The following ABTB3 variants were observed in gnomAD, a reference collection of about 807,000 sequenced individuals.
ABTB3 encodes the protein ankyrin repeat- and BTB/POZ domain-containing protein 3.
At chr12:107,561,413 G>T in the ABTB3 span, among the ~76,000 whole-genome samples, 1 of 152,152 alleles carries the variant, frequency 6.6e-6, no homozygotes, top group African/African-American at 2.4e-5. Flanking sequence ...TGCCTTGCAT[G>T]AGAGTTATCT....
At chr12:107,508,512 T>C in the ABTB3 span, among the ~76,000 whole-genome samples, 1 of 135,684 alleles carries the variant, frequency 7.4e-6, no homozygotes, top group South Asian at 2.5e-4. Flanking sequence ...AGTGGTGCAG[T>C]GGCATGATCT....
chr12:107,366,312 G>A, the ABTB3 span, among the ~76,000 whole-genome samples: 8 of 152,114 alleles, frequency 5.3e-5, no homozygotes, highest in East Asian at 1.9e-4. Context: ...AGAAAGCATC[G>A]TACATAAGGT....
At chr12:107,552,642 A>G in the ABTB3 span, among the ~76,000 whole-genome samples, 2 of 152,230 alleles carry the variant, frequency 1.3e-5, no homozygotes, top group African/African-American at 4.8e-5. Context: ...CACTTCTTTC[A>G]TGCCAAAGTT....
the ABTB3 span, among the ~76,000 whole-genome samples, chr12:107,572,512 G>A: frequency 6.6e-6 from 1 of 152,162 alleles, no homozygotes; most frequent in African/African-American, 2.4e-5. Flanking sequence ...GTGATCTGGA[G>A]ACTCCCTGAA....
At chr12:107,492,752 CAAA>C in the ABTB3 span, among the ~76,000 whole-genome samples, 1 of 151,970 alleles carries the variant, frequency 6.6e-6, no homozygotes, top group East Asian at 1.9e-4. Flanking sequence ...CCAGAAAAAA[CAAA>C]AAAACAGTGT....
At chr12:107,609,191 C>T in the ABTB3 span, among the ~76,000 whole-genome samples, 1 of 152,146 alleles carries the variant, frequency 6.6e-6, no homozygotes, top group Admixed American at 6.5e-5. Context: ...GTGTCCTCTC[C>T]CTTTCCAGGC....
chr12:107,318,535 TGCG>T, the ABTB3 span: 5 of 159,758 alleles, frequency 3.1e-5, no homozygotes, highest in East Asian at 1.8e-4. Flanking sequence ...CCCGCGGAGC[TGCG>T]GCGGCGGCGG....
chr12:107,596,918 T>C, the ABTB3 span, among the ~76,000 whole-genome samples: 2 of 152,244 alleles, frequency 1.3e-5, no homozygotes, highest in African/African-American at 4.8e-5. Flanking sequence ...AATCTTGCTC[T>C]TGTCCCATCT....
the ABTB3 span, among the ~76,000 whole-genome samples, chr12:107,419,438 C>T: frequency 6.6e-5 from 10 of 152,300 alleles, no homozygotes; most frequent in East Asian, 1.7e-3. Flanking sequence ...TGATTCCTGC[C>T]TCTGGATGTT....
the ABTB3 span, among the ~76,000 whole-genome samples, chr12:107,551,274 G>A: frequency 6.6e-6 from 1 of 152,142 alleles, no homozygotes; most frequent in Non-Finnish European, 1.5e-5. Context: ...GCGAGAAGAT[G>A]AGATATTAGA....
the ABTB3 span, among the ~76,000 whole-genome samples, chr12:107,445,137 A>G: frequency 3.3e-5 from 5 of 152,220 alleles, no homozygotes; most frequent in Non-Finnish European, 7.3e-5. Context: ...CTCTATGCAG[A>G]TCTTTCAGTG....
the ABTB3 span, among the ~76,000 whole-genome samples, chr12:107,513,661 ATCCCTGTCCC>A: frequency 5.9e-5 from 9 of 152,156 alleles, no homozygotes; most frequent in African/African-American, 1.2e-4. Flanking sequence ...CTAATATAGC[ATCCCTGTCCC>A]CTGCGTTCAA....
At chr12:107,449,562 A>G in the ABTB3 span, among the ~76,000 whole-genome samples, 1 of 152,200 alleles carries the variant, frequency 6.6e-6, no homozygotes, top group African/African-American at 2.4e-5. Context: ...GCAAAATAGC[A>G]TCAACAGTTA....
At chr12:107,608,904 AAAT>A in the ABTB3 span, among the ~76,000 whole-genome samples, 189 of 91,068 alleles carry the variant, frequency 2.1e-3, 4 homozygotes, top group African/African-American at 0.01. Context: ...AAATAAAATA[AAAT>A]AAAATAAAAT....
chr12:107,376,956 G>A, the ABTB3 span, among the ~76,000 whole-genome samples: 2 of 152,160 alleles, frequency 1.3e-5, no homozygotes, highest in Non-Finnish European at 2.9e-5. Flanking sequence ...ACTGCTGTGT[G>A]TTTTTCTGCT....
At chr12:107,630,757 T>C in the ABTB3 span, among the ~76,000 whole-genome samples, 3 of 152,240 alleles carry the variant, frequency 2.0e-5, no homozygotes, top group African/African-American at 4.8e-5. Flanking sequence ...TTTATTTTTT[T>C]AGGCCAGTTT....
chr12:107,484,753 G>A, the ABTB3 span, among the ~76,000 whole-genome samples: 1 of 152,192 alleles, frequency 6.6e-6, no homozygotes, highest in Non-Finnish European at 1.5e-5. Context: ...AGGACCAGGT[G>A]CTACTTCTGT....
chr12:107,577,957 C>G, the ABTB3 span, among the ~76,000 whole-genome samples: 2 of 151,988 alleles, frequency 1.3e-5, no homozygotes, highest in African/African-American at 4.8e-5. Context: ...GTTTTAGTCA[C>G]TTCAAACAAC....
the ABTB3 span, among the ~76,000 whole-genome samples, chr12:107,320,404 A>G: frequency 3.9e-5 from 6 of 152,360 alleles, no homozygotes; most frequent in Admixed American, 3.3e-4. Flanking sequence ...ATTTGCGCTT[A>G]GTACATATAC....
Sources: allele counts gnomAD v4.1 joint callset (sites outside exome capture counted in the v4.1 genomes callset), GRCh38; gene constraint gnomAD v4.1.1; transcripts MANE v1.5; gene names NCBI Gene and HGNC (gene_info 2026-07-23, HGNC 2026-07-21).